Variants in SNTG1 observed in about 807,000 individuals in gnomAD.
SNTG1 encodes syntrophin gamma 1.
SNTG1 carries 39 observed loss-of-function variants against 74.7 expected under a neutral mutation model. The ratio of observed to expected loss-of-function variants is 0.52; its 90% CI spans 0.40 to 0.68. SNTG1 has a LOEUF of 0.68. Ranked by LOEUF, SNTG1 falls within the 30% of genes least tolerant of loss-of-function variation. The pLI is 0.00. For missense variants in SNTG1, 685 were observed against 609.5 expected, an observed-to-expected ratio of 1.12 and a Z score of -1.30; for synonymous variants, 254 against 217.1, an observed-to-expected ratio of 1.17 and a Z score of -1.49.
chr8:50,032,451 C>T (rs1817812524), intron 1 of SNTG1, among the ~76,000 whole-genome samples: 1 of 152,088 alleles, frequency 6.6e-6, no homozygotes, highest in African/African-American at 2.4e-5. Context: ...AAACAGCACT[C>T]ATGGTCTAAA....
rs761585904 is a variant in SNTG1 at position 50,449,653 on chromosome 8, A to AT, written c.220-11dup. ...TTTAGATTAAAAAGTACAATATATG[A>AT]TTTTCTCTTTTCAGGGAGGAGCAGA... On this transcript the variant is annotated splice_polypyrimidine_tract_variant and intron_variant, in intron 5 of 18. Coordinates refer to ENST00000642720, the MANE Select transcript of SNTG1 (RefSeq NM_018967.5). 1.9e-6 allele frequency: 3 copies of AT among 1,578,524 alleles called. No individual in the cohort carries two copies. The highest frequency in any genetic ancestry group is 2.4e-5 in the South Asian group (2 of 84,016).
intron 1 of SNTG1, among the ~76,000 whole-genome samples, chr8:50,124,164 T>C (rs1260912550): frequency 1.4e-5 from 2 of 141,022 alleles, no homozygotes; most frequent in Non-Finnish European, 3.1e-5. Context: ...TGTGTCCTTA[T>C]TAAAAGAGGA....
At chr8:50,689,738 G>A (rs184985135) in intron 15 of SNTG1, among the ~76,000 whole-genome samples, 1 of 152,124 alleles carries the variant, frequency 6.6e-6, no homozygotes, top group Admixed American at 6.5e-5. Context: ...GCCAGGCTTT[G>A]GTATCAGGAT....
At chr8:49,962,687 C>T (rs1300148723) in intron 1 of SNTG1, among the ~76,000 whole-genome samples, 2 of 152,094 alleles carry the variant, frequency 1.3e-5, no homozygotes, top group Non-Finnish European at 2.9e-5. Flanking sequence ...CCTCTTCCTC[C>T]CAGTTCAAGA....
chr8:50,274,285 C>T (rs1242066479), intron 2 of SNTG1, among the ~76,000 whole-genome samples: 1 of 151,940 alleles, frequency 6.6e-6, no homozygotes, highest in African/African-American at 2.4e-5. Context: ...CAGGGTTTCA[C>T]CATGTTGGCC....
intron 2 of SNTG1, among the ~76,000 whole-genome samples, chr8:50,367,823 C>G (rs1376083050): frequency 2.2e-4 from 34 of 152,030 alleles, no homozygotes; most frequent in Non-Finnish European, 5.9e-5. Context: ...GGTTTTGCTT[C>G]TCTGGAAACT....
At chr8:49,956,471 G>T (rs1263264147) in intron 1 of SNTG1, among the ~76,000 whole-genome samples, 1 of 152,206 alleles carries the variant, frequency 6.6e-6, no homozygotes, top group Non-Finnish European at 1.5e-5. Flanking sequence ...GTTTGGTTCA[G>T]CTGTGAAATT....
At chr8:50,653,939 G>A (rs563231624) in intron 13 of SNTG1, among the ~76,000 whole-genome samples, 6 of 152,170 alleles carry the variant, frequency 3.9e-5, no homozygotes, top group East Asian at 1.9e-4. Context: ...ATTATAAATC[G>A]TCTGCCTTCT....
At chr8:50,143,464 A>G (rs540012728) in intron 1 of SNTG1, among the ~76,000 whole-genome samples, 1 of 152,352 alleles carries the variant, frequency 6.6e-6, no homozygotes, top group Non-Finnish European at 1.5e-5. Flanking sequence ...TAGGGTGACA[A>G]ATAGTAACTG....
intron 2 of SNTG1, among the ~76,000 whole-genome samples, chr8:50,354,254 A>C (rs546254606): frequency 2.0e-5 from 3 of 152,228 alleles, no homozygotes; most frequent in Non-Finnish European, 4.4e-5. Context: ...GTCTGGAGCA[A>C]ATAGTCACAG....
At chr8:50,372,736 T>C (rs1360489504) in intron 2 of SNTG1, among the ~76,000 whole-genome samples, 3 of 152,058 alleles carry the variant, frequency 2.0e-5, no homozygotes, top group Admixed American at 6.6e-5. Flanking sequence ...AAATCCAGTG[T>C]AAGGATTTCA....
At chr8:50,198,246 C>T (rs2083852742) in intron 2 of SNTG1, among the ~76,000 whole-genome samples, 1 of 152,110 alleles carries the variant, frequency 6.6e-6, no homozygotes, top group South Asian at 2.1e-4. Context: ...AAGCAGTCTC[C>T]CGGGTTGAAT....
intron 1 of SNTG1, among the ~76,000 whole-genome samples, chr8:50,127,642 C>T (rs1440918043): frequency 6.6e-6 from 1 of 152,102 alleles, no homozygotes; most frequent in Non-Finnish European, 1.5e-5. Flanking sequence ...ACATTCAAGA[C>T]ATTTAGTCAG....
intron 4 of SNTG1, among the ~76,000 whole-genome samples, chr8:50,426,378 T>C (rs553823586): frequency 6.6e-6 from 1 of 152,276 alleles, no homozygotes; most frequent in African/African-American, 2.4e-5. Context: ...AGTTACATCT[T>C]AATGATCCTG....
At chr8:50,011,479 A>T (rs1297693759) in intron 1 of SNTG1, among the ~76,000 whole-genome samples, 1 of 152,126 alleles carries the variant, frequency 6.6e-6, no homozygotes, top group Non-Finnish European at 1.5e-5. Flanking sequence ...GAGTTTGATG[A>T]AGTTATTTAT....
In SNTG1 at chr8:50,335,045, G is replaced by A. The variant is rs765917618; in HGVS notation, c.-27-59167G>A. Among the ~76,000 whole-genome samples, 116 of 152,172 alleles carry A rather than the reference G, an allele frequency of 7.6e-4. 1 individual carries two copies. The highest frequency in any genetic ancestry group is 4.1e-4 in the South Asian group (2 of 4,832). On this transcript the variant is annotated intron_variant, in intron 2 of 18. Transcript: ENST00000642720. Reference sequence around the variant, plus strand: ...AATATTAGGTAGTCAATATATATCCGTTAAATAATTGAACATTAAGAATGT... The same window carrying A: ...AATATTAGGTAGTCAATATATATCCATTAAATAATTGAACATTAAGAATGT...
intron 9 of SNTG1, among the ~76,000 whole-genome samples, chr8:50,507,622 A>G (rs1031492913): frequency 6.6e-6 from 1 of 152,112 alleles, no homozygotes; most frequent in Non-Finnish European, 1.5e-5. Context: ...ATAATTGTCC[A>G]TATTACTCTT....
chr8:50,593,718 T>C (rs890084869), intron 13 of SNTG1, among the ~76,000 whole-genome samples: 1 of 120,724 alleles, frequency 8.3e-6, no homozygotes, highest in African/African-American at 3.3e-5. Context: ...GATTTGGTTC[T>C]TTTTTTTTTT....
chr8:49,953,092 T>C (rs1299216047), intron 1 of SNTG1, among the ~76,000 whole-genome samples: 2 of 152,142 alleles, frequency 1.3e-5, no homozygotes, highest in Non-Finnish European at 2.9e-5. Context: ...TAGGTGAGAT[T>C]TATATTTATA....
Sources: allele counts gnomAD v4.1 joint callset (sites outside exome capture counted in the v4.1 genomes callset), GRCh38; gene constraint gnomAD v4.1.1; transcripts MANE v1.5; gene names NCBI Gene and HGNC (gene_info 2026-07-23, HGNC 2026-07-21).